GALNT3: variants seen among roughly 807,000 people sequenced by gnomAD.
The protein encoded by GALNT3 is GalNAc transferase 3.
GALNT3 carries 51 observed loss-of-function variants against 69.8 expected under a neutral mutation model. The ratio of observed to expected loss-of-function variants is 0.73; its 90% CI spans 0.58 to 0.92. The LOEUF (loss-of-function observed/expected upper bound fraction) is 0.92. Ranked by LOEUF, GALNT3 falls within the 40% of genes least tolerant of loss-of-function variation. The pLI, the probability that GALNT3 is intolerant of heterozygous loss-of-function variation, is 0.00. For synonymous variants in GALNT3, 265 were observed against 248.5 expected (o/e 1.07, Z -0.63); for missense variants, 711 against 760.0 (o/e 0.94, Z 0.76).
In GALNT3 at chr2:165,765,075, G is replaced by A; in HGVS notation, c.516-19C>T. Reference sequence around the variant, plus strand: ...AATACATCTAGAAGAAGTCAGAGAAGTAGAAAAACAATTACAAATTTTATT... The same window carrying A: ...AATACATCTAGAAGAAGTCAGAGAAATAGAAAAACAATTACAAATTTTATT... On this transcript the variant is annotated intron_variant, in intron 2 of 10. Coordinates refer to ENST00000392701, the MANE Select transcript of GALNT3 (RefSeq NM_004482.4). 6.2e-7 allele frequency: 1 copy of A among 1,606,212 alleles called. No individual in the cohort carries two copies. Among genetic ancestry groups the A allele is most frequent in the Non-Finnish European group, 8.5e-7 (1 of 1,173,022 alleles).
rs776110662 is a variant in GALNT3, at chr2:165,749,857, T to C, written c.1664A>G (p.Asn555Ser). 6 of 1,613,670 alleles carry C rather than the reference T, an allele frequency of 3.7e-6. No individual in the cohort carries two copies. In the South Asian group the frequency reaches 6.6e-5, roughly 18 times the overall value. ...ATGAAGACATAATTCCTTCTGGATG[T>C]TGTGCCGAATTTCATGTTGAGCAGA... ...EYSAQHEIRH[N>S]IQKELCLHAA... Residue 555 changes from asparagine (N) to serine (S), a missense_variant, in exon 10 of 11, where the codon AAC becomes AGC. Asn to Ser is a conservative substitution (Grantham distance 46). Coordinates refer to ENST00000392701, the MANE Select transcript of GALNT3 (RefSeq NM_004482.4).
At chr2:165,776,373 G>A (rs1321525120) in intron 1 of GALNT3, among the ~76,000 whole-genome samples, 2 of 152,088 alleles carry the variant, frequency 1.3e-5, no homozygotes, top group Non-Finnish European at 2.9e-5. Flanking sequence ...GATATAACAT[G>A]TCATATTTGC....
intron 2 of GALNT3, among the ~76,000 whole-genome samples, chr2:165,767,867 A>ATTTTTTTTTTTTTTTTTTTTTT: frequency 7.3e-6 from 1 of 136,254 alleles, no homozygotes; most frequent in Non-Finnish European, 1.6e-5. Flanking sequence ...TAAAAAACAA[A>ATTTTTTTTTTTTTTTTTTTTTT]TCTTTTTTTT....
chr2:165,753,461 A>T (rs890184048), intron 9 of GALNT3, among the ~76,000 whole-genome samples: 1 of 151,710 alleles, frequency 6.6e-6, no homozygotes, highest in East Asian at 1.9e-4. Context: ...GTGGACACCC[A>T]GTCTCATTCA....
At chr2:165,775,235 T>C (rs1003899668) in intron 1 of GALNT3, among the ~76,000 whole-genome samples, 2 of 151,992 alleles carry the variant, frequency 1.3e-5, no homozygotes, top group Non-Finnish European at 1.5e-5. Context: ...AGAACTGATA[T>C]CCTAAATAAA....
intron 1 of GALNT3, among the ~76,000 whole-genome samples, chr2:165,776,117 T>C (rs191078449): frequency 6.6e-6 from 1 of 152,288 alleles, no homozygotes; most frequent in Non-Finnish European, 1.5e-5. Flanking sequence ...GGAAAATTGA[T>C]ACCTGAACAA....
Position 165,764,974 on chromosome 2 carries a change from T to C in GALNT3, c.598A>G (p.Thr200Ala), listed in dbSNP as rs1260330068. The C allele has an allele frequency of 4.3e-6, 7 of 1,614,092 alleles. No homozygotes were observed. Among genetic ancestry groups the C allele is most frequent in the Non-Finnish European group, 5.9e-6 (7 of 1,180,018 alleles). ...IIVFHNEAWS[T>A]LLRTVHSVLY... is the part of the protein sequence containing the mutation. ...ACACTGTGGACAGTTCTAAGCAACGTGGACCACGCTTCATTATGAAAAACT... is the reference window on the plus strand; with the variant it reads ...ACACTGTGGACAGTTCTAAGCAACGCGGACCACGCTTCATTATGAAAAACT... The change falls in exon 3 of 11, where the codon ACG (threonine) becomes GCG (alanine). Residue 200 changes from threonine (T) to alanine (A), a missense_variant. By Grantham distance (58) the Thr-to-Ala change is moderately conservative. Coordinates refer to ENST00000392701, the MANE Select transcript of GALNT3 (RefSeq NM_004482.4).
At chr2:165,758,990 A>C (rs975892624) in intron 5 of GALNT3, 126 bp from the exon 6 acceptor site, 2 of 738,380 alleles carry the variant, frequency 2.7e-6, no homozygotes, top group African/African-American at 3.5e-5. Flanking sequence ...CAGATTAATA[A>C]AAACTAGAAA....
At chr2:165,759,829 C>T (rs1439188889) in intron 4 of GALNT3, among the ~76,000 whole-genome samples, 2 of 152,060 alleles carry the variant, frequency 1.3e-5, no homozygotes, top group African/African-American at 4.8e-5. Context: ...ATTAACATAT[C>T]CATCACCTTA....
chr2:165,763,273 T>C (rs1688584111), intron 3 of GALNT3, among the ~76,000 whole-genome samples: 1 of 152,216 alleles, frequency 6.6e-6, no homozygotes, highest in South Asian at 2.1e-4. Context: ...AGTTTGCTTC[T>C]GCCAGATTTT....
chr2:165,750,413 G>A (rs145589508), intron 9 of GALNT3, among the ~76,000 whole-genome samples: 362 of 152,202 alleles, frequency 2.4e-3, no homozygotes, highest in African/African-American at 8.4e-3. Flanking sequence ...ACTGGCACAC[G>A]GTGAGTTTTC....
At chr2:165,779,165 A>G (rs1316815076) in intron 1 of GALNT3, among the ~76,000 whole-genome samples, 3 of 152,206 alleles carry the variant, frequency 2.0e-5, no homozygotes, top group East Asian at 3.8e-4. Flanking sequence ...TATGCTCAAA[A>G]GGAGCTTAGC....
intron 1 of GALNT3, among the ~76,000 whole-genome samples, chr2:165,784,717 C>A (rs1683183705): frequency 6.6e-6 from 1 of 152,122 alleles, no homozygotes; most frequent in African/African-American, 2.4e-5. Flanking sequence ...TCTGCATTAT[C>A]TTCAGTGGTA....
chr2:165,793,414 T>C (rs1683393644), intron 1 of GALNT3, among the ~76,000 whole-genome samples: 1 of 152,102 alleles, frequency 6.6e-6, no homozygotes, highest in Admixed American at 6.5e-5. Context: ...CCCGGAAAAG[T>C]GCAGAGTCGA....
At position 165,770,783 on chromosome 2, in the gene GALNT3, G is replaced by C; in HGVS notation, c.-83C>G. The C allele has an allele frequency of 6.7e-7, 1 of 1,487,270 alleles. No individual in the cohort carries two copies. Among genetic ancestry groups the C allele is most frequent in the South Asian group, 1.2e-5 (1 of 83,898 alleles). 92.1% of individuals were successfully genotyped at this position (1,487,270 alleles called of 1,614,324 possible). A position where few individuals can be genotyped will look rare whatever the true frequency, so the allele number is the denominator to read the frequency against. Reference sequence around the variant, plus strand: ...ATATTTTTTATCATAGATTTGCTGAGAAGAAGGTATCTTTAATGGTAGTAC... The same window carrying C: ...ATATTTTTTATCATAGATTTGCTGACAAGAAGGTATCTTTAATGGTAGTAC... On this transcript the variant is annotated 5_prime_UTR_variant, in exon 2 of 11. Coordinates refer to ENST00000392701, the MANE Select transcript of GALNT3 (RefSeq NM_004482.4).
At chr2:165,761,345 G>A (rs1688541822) in intron 4 of GALNT3, among the ~76,000 whole-genome samples, 2 of 152,040 alleles carry the variant, frequency 1.3e-5, no homozygotes, top group African/African-American at 2.4e-5. Flanking sequence ...CCTAGTAGCT[G>A]GAATTATAGG....
At chr2:165,759,613 A>G (rs1375210180) in intron 4 of GALNT3, 43 bp from the exon 5 acceptor site, 1 of 1,463,240 alleles carries the variant, frequency 6.8e-7, no homozygotes. Flanking sequence ...AAAACATTGA[A>G]GTTTTTTTCT....
At position 165,767,638 on chromosome 2, in the gene GALNT3, T is replaced by C. The variant is rs187545989; in HGVS notation, c.515+2548A>G. Among the ~76,000 whole-genome samples, 418 of 152,320 alleles carry C rather than the reference T, an allele frequency of 2.7e-3. 5 individuals carry two copies. The highest frequency in any genetic ancestry group is 1.7e-3 in the Non-Finnish European group (118 of 68,020). On this transcript the variant is annotated intron_variant, in intron 2 of 10. Transcript: ENST00000392701. ...TAAATGTATGCTTTGAAAATTGTTT[T>C]ACATATTTAAAATAGTGCAATTAAA...
In GALNT3 at chr2:165,767,484, G is replaced by A. The variant is rs76164541; in HGVS notation, c.516-2428C>T. On this transcript the variant is annotated intron_variant, in intron 2 of 10. Transcript: ENST00000392701. The stretch of plus-strand genomic sequence containing the variant: ...TCACTTTAATCTTGCAAGATTTTCC[G>A]TCAGTTTAAACTAGGATTTATTTGC... Among the ~76,000 whole-genome samples the A allele has an allele frequency of 3.6e-3, 550 of 152,048 alleles. 1 individual carries two copies. The highest frequency in any genetic ancestry group is 0.012 in the African/African-American group (507 of 41,482).
Sources: allele counts gnomAD v4.1 joint callset (sites outside exome capture counted in the v4.1 genomes callset), GRCh38; gene constraint gnomAD v4.1.1; transcripts MANE v1.5; gene names NCBI Gene and HGNC (gene_info 2026-07-23, HGNC 2026-07-21).